The following UPRT variants were observed in gnomAD, a reference collection of about 807,000 sequenced individuals.
UPRT encodes uracil phosphoribosyltransferase homolog.
Under a neutral mutation model 22.6 loss-of-function variants are expected in UPRT, and 5 were observed. The ratio of observed to expected loss-of-function variants is 0.22; its 90% confidence interval spans 0.12 to 0.47. The LOEUF (loss-of-function observed/expected upper bound fraction) is 0.47. UPRT is among the 20% of genes least tolerant of loss of function. UPRT has a pLI of 0.99. For missense variants in UPRT, 181 were observed against 239.9 expected, an observed-to-expected ratio of 0.75 and a Z score of 1.62; for synonymous variants, 77 against 87.7, an observed-to-expected ratio of 0.88 and a Z score of 0.68.
intron 4 of UPRT, among the ~76,000 whole-genome samples, chrX:75,187,775 A>G (rs1245632054): frequency 9.0e-6 from 1 of 110,823 alleles, no homozygotes; most frequent in Admixed American, 9.6e-5. Flanking sequence ...CATTCATTTC[A>G]TCTTCCATTG....
intron 4 of UPRT, among the ~76,000 whole-genome samples, chrX:75,195,774 A>T (rs954131308): frequency 2.6e-4 from 29 of 111,285 alleles, no homozygotes; most frequent in Admixed American, 2.1e-3. Context: ...CCCTCCACCC[A>T]CTTTCAGTGT....
chrX:75,205,026 T>A (rs2082359879), intron 4 of UPRT, among the ~76,000 whole-genome samples: 2 of 111,035 alleles, frequency 1.8e-5, no homozygotes, highest in Admixed American at 1.9e-4. Context: ...GTGTGTGGAC[T>A]GCCTAGGGAT....
intron 4 of UPRT, among the ~76,000 whole-genome samples, chrX:75,203,516 TCACACA>T (rs368566812): frequency 1.5e-5 from 1 of 64,605 alleles, no homozygotes; most frequent in Non-Finnish European, 3.1e-5. Context: ...ACACACACAC[TCACACA>T]CACACACACA....
chrX:75,254,824 G>A (rs910678076), intron 4 of UPRT, among the ~76,000 whole-genome samples: 19 of 101,616 alleles, frequency 1.9e-4, no homozygotes, highest in South Asian at 1.4e-3. Context: ...GCCAGACTGC[G>A]GACTGCAGTG....
At chrX:75,196,135 A>T (rs752101396) in intron 4 of UPRT, among the ~76,000 whole-genome samples, 1 of 112,201 alleles carries the variant, frequency 8.9e-6, no homozygotes, top group African/African-American at 3.2e-5. Flanking sequence ...TAATACTTCC[A>T]ATCCACGAAT....
At chrX:75,254,997 G>A (rs894429863) in intron 4 of UPRT, among the ~76,000 whole-genome samples, 4 of 109,901 alleles carry the variant, frequency 3.6e-5, no homozygotes, top group African/African-American at 1.3e-4. Context: ...GGATGGTCTC[G>A]ATCTCCTGAC....
chrX:75,238,978 G>T (rs1343173874), intron 4 of UPRT, among the ~76,000 whole-genome samples: 1 of 111,412 alleles, frequency 9.0e-6, no homozygotes, highest in Admixed American at 9.7e-5. Context: ...TACAAGAAAA[G>T]TTCATAGTAT....
intron 2 of UPRT, among the ~76,000 whole-genome samples, chrX:75,162,650 A>T (rs1198794617): frequency 9.0e-6 from 1 of 111,682 alleles, no homozygotes; most frequent in African/African-American, 3.3e-5. Context: ...CTATTAATGT[A>T]ATATCACTAA....
In UPRT at chrX:75,175,574, C is replaced by T. The variant is rs746387652; in HGVS notation, c.-447+7695C>T. Among the ~76,000 whole-genome samples, 4 of 111,769 alleles carry T rather than the reference C, an allele frequency of 3.6e-5. No individual in the cohort carries two copies. The South Asian group carries it at 1.1e-3, about 32-fold the overall frequency. On this transcript the variant is annotated intron_variant, in intron 4 of 13. Coordinates refer to the UPRT transcript ENST00000652605. Reference sequence around the variant, plus strand: ...CAGTGAGGGTGATGACATGAGCTGGCGCTTGCCCCGGGCACCCTCAGTCCT... The same window carrying T: ...CAGTGAGGGTGATGACATGAGCTGGTGCTTGCCCCGGGCACCCTCAGTCCT...
chrX:75,233,880 A>G (rs1365943346), intron 4 of UPRT, among the ~76,000 whole-genome samples: 1 of 110,949 alleles, frequency 9.0e-6, no homozygotes, highest in Non-Finnish European at 1.9e-5. Flanking sequence ...GCATCAACTA[A>G]TGAGCAAAAT....
intron 4 of UPRT, among the ~76,000 whole-genome samples, chrX:75,232,229 G>C (rs1057441896): frequency 8.9e-6 from 1 of 112,387 alleles, no homozygotes; most frequent in Non-Finnish European, 1.9e-5. Flanking sequence ...GCGCTTTTCC[G>C]ATGGGCTTAA....
chrX:75,172,791 C>T (rs1234932664), intron 4 of UPRT, among the ~76,000 whole-genome samples: 1 of 110,297 alleles, frequency 9.1e-6, no homozygotes, highest in Non-Finnish European at 1.9e-5. Context: ...CCGGTGGGCT[C>T]GTGGTCTCGC....
At chrX:75,255,718 T>C (rs183847868) in intron 4 of UPRT, among the ~76,000 whole-genome samples, 708 of 112,084 alleles carry the variant, frequency 6.3e-3, no homozygotes, top group Non-Finnish European at 9.8e-3. Context: ...GCTATTCTTA[T>C]ATCAGACAAA....
At chrX:75,250,079 A>T (rs2082523079) in intron 4 of UPRT, among the ~76,000 whole-genome samples, 1 of 112,193 alleles carries the variant, frequency 8.9e-6, no homozygotes. Context: ...AGGGAAATTT[A>T]TAGCACTAAA....
intron 4 of UPRT, among the ~76,000 whole-genome samples, chrX:75,230,440 C>T (rs2082434872): frequency 2.7e-5 from 3 of 111,883 alleles, no homozygotes; most frequent in African/African-American, 9.8e-5. Flanking sequence ...TTATATCCCC[C>T]TTCTACTACT....
chrX:75,256,471 C>G (rs1213453727), intron 4 of UPRT, among the ~76,000 whole-genome samples: 1 of 110,424 alleles, frequency 9.1e-6, no homozygotes, highest in Non-Finnish European at 1.9e-5. Context: ...AAACAAGAAC[C>G]AACCAAACCC....
chrX:75,203,693 T>TG (rs200849277), intron 4 of UPRT, among the ~76,000 whole-genome samples: 3,166 of 111,262 alleles, frequency 0.028, 114 homozygotes, highest in African/African-American at 0.099. Context: ...GGCTGCTGCC[T>TG]GGAAAATGTT....
intron 4 of UPRT, among the ~76,000 whole-genome samples, chrX:75,251,292 T>G (rs1175301209): frequency 9.0e-6 from 1 of 111,672 alleles, no homozygotes; most frequent in Non-Finnish European, 1.9e-5. Flanking sequence ...GCAGATGACA[T>G]GATTGTATAT....
chrX:75,261,322 A>T (rs1182882428), intron 4 of UPRT, among the ~76,000 whole-genome samples: 1 of 110,853 alleles, frequency 9.0e-6, no homozygotes, highest in Non-Finnish European at 1.9e-5. Context: ...ACAATAAAAA[A>T]TGATAAAGGG....
Sources: allele counts gnomAD v4.1 joint callset (sites outside exome capture counted in the v4.1 genomes callset), GRCh38; gene constraint gnomAD v4.1.1; transcripts MANE v1.5; gene names NCBI Gene and HGNC (gene_info 2026-07-23, HGNC 2026-07-21).